Variants in HHIPL1 observed in about 807,000 individuals in gnomAD.
HHIPL1 encodes the protein HHIP-like protein 1.
Under a neutral mutation model 61.8 loss-of-function variants are expected in HHIPL1, and 43 were observed. The ratio of observed to expected loss-of-function variants is 0.70; its 90% confidence interval spans 0.55 to 0.90. The LOEUF is 0.90. Ranked by LOEUF, HHIPL1 falls within the 40% of genes least tolerant of loss-of-function variation. HHIPL1 has a pLI of 0.00. For synonymous variants in HHIPL1, 482 were observed against 515.8 expected (o/e 0.93, Z 0.89); for missense variants, 1,056 against 1,157.7 (o/e 0.91, Z 1.28).
chr14:99,637,027 GA>G, the HHIPL1 span, among the ~76,000 whole-genome samples: 9 of 94,304 alleles, frequency 9.5e-5, no homozygotes, highest in East Asian at 2.9e-4. Context: ...AAGAAAGAAA[GA>G]AAGAAAGAAA....
At chr14:99,616,506 G>A in the HHIPL1 span, among the ~76,000 whole-genome samples, 1,126 of 152,306 alleles carry the variant, frequency 7.4e-3, 8 homozygotes, top group South Asian at 0.03. Context: ...GTAAGAGAAA[G>A]GCAAGCGAGA....
In HHIPL1 at chr14:99,663,005, C is replaced by T. The variant is rs771660425; in HGVS notation, c.1632C>T (p.Phe544=). Residue 544 remains phenylalanine (F), a synonymous_variant, in exon 6 of 9, where the codon TTC becomes TTT. Transcript: ENST00000330710. ...ACTACTACCCGTACATCATCTCCTT[C>T]GGGGAGGACGAGGCCGGTGAGCACT... ...INNYYPYIIS[F]GEDEAGELYF... is the part of the protein sequence containing the mutation. The T allele has an allele frequency of 2.7e-5, 44 of 1,609,488 alleles. No homozygotes were observed. Among genetic ancestry groups the T allele is most frequent in the Admixed American group, 6.7e-5 (4 of 59,328 alleles).
At chr14:99,625,281 G>A in the HHIPL1 span, 1 of 152,278 alleles carries the variant, frequency 6.6e-6, no homozygotes, top group Non-Finnish European at 1.5e-5. Flanking sequence ...AGGAAGCTAA[G>A]GTGTAGGGGG....
chr14:99,631,764 G>A, the HHIPL1 span, among the ~76,000 whole-genome samples: 1 of 152,122 alleles, frequency 6.6e-6, no homozygotes, highest in African/African-American at 2.4e-5. Flanking sequence ...TTACATGTGT[G>A]CGCCACCATG....
At chr14:99,623,859 G>T in the HHIPL1 span, among the ~76,000 whole-genome samples, 2 of 152,200 alleles carry the variant, frequency 1.3e-5, no homozygotes, top group Non-Finnish European at 2.9e-5. Context: ...GGCCCAACAA[G>T]CTGCCGAGAA....
the HHIPL1 span, among the ~76,000 whole-genome samples, chr14:99,635,720 T>C: frequency 1.3e-5 from 2 of 152,110 alleles, no homozygotes; most frequent in Non-Finnish European, 2.9e-5. Context: ...CACAAGGCAG[T>C]CCAGGCCCTG....
chr14:99,641,965 A>T (rs1426086797), upstream of HHIPL1, among the ~76,000 whole-genome samples: 1 of 150,800 alleles, frequency 6.6e-6, no homozygotes, highest in Non-Finnish European at 1.5e-5. Context: ...TTTGAGACAG[A>T]GTCTCGCTCT....
chr14:99,645,913 C>T (rs2055825635), intron 1 of HHIPL1, among the ~76,000 whole-genome samples: 1 of 152,188 alleles, frequency 6.6e-6, no homozygotes, highest in Non-Finnish European at 1.5e-5. Context: ...CTGGCGTGGG[C>T]GTGGTCAACG....
the HHIPL1 span, among the ~76,000 whole-genome samples, chr14:99,628,431 A>C: frequency 8.7e-3 from 1,319 of 152,184 alleles, 22 homozygotes; most frequent in African/African-American, 0.031. Flanking sequence ...AATACAAAAA[A>C]TTAGCCAGGC....
chr14:99,654,660 C>T (rs1006867718), intron 2 of HHIPL1, among the ~76,000 whole-genome samples: 1 of 152,030 alleles, frequency 6.6e-6, no homozygotes, highest in South Asian at 2.1e-4. Context: ...ATCTTGACAC[C>T]GAATGTATAA....
In HHIPL1 at chr14:99,659,634, G is replaced by A. The variant is rs1434013102; in HGVS notation, c.1253G>A (p.Gly418Asp). 2 of 1,553,072 alleles carry A rather than the reference G, an allele frequency of 1.3e-6. No individual in the cohort carries two copies. Among genetic ancestry groups the A allele is most frequent in the Admixed American group, 1.9e-5 (1 of 53,038 alleles). The change falls in exon 4 of 9, where the codon GGC becomes GAC. Residue 418 changes from glycine to aspartate, a missense_variant. Transcript: ENST00000330710. ...SGTGRGRLFC[G>D]DVGQNKFEEV... ...ACTGGCCGCGGGCGCCTCTTCTGCGGCGACGTGGGCCAGAACAAGTTCGAG... is the reference window on the plus strand; with the variant it reads ...ACTGGCCGCGGGCGCCTCTTCTGCGACGACGTGGGCCAGAACAAGTTCGAG...
chr14:99,665,906 C>G (rs536920738), intron 6 of HHIPL1, among the ~76,000 whole-genome samples: 26 of 152,154 alleles, frequency 1.7e-4, no homozygotes, highest in African/African-American at 6.0e-4. Context: ...CTCAGCCTCC[C>G]GAGTAGCTAG....
Position 99,659,757 on chromosome 14 carries a change from GT to G in HHIPL1, c.1375+2del. The G allele has an allele frequency of 7.1e-7, 1 of 1,414,422 alleles. No individual in the cohort carries two copies. Among genetic ancestry groups the G allele is most frequent in the East Asian group, 2.8e-5 (1 of 35,886 alleles). The allele number at this position is 1,414,422 out of a possible 1,614,324, so 87.6% of individuals were successfully genotyped here. A position where few individuals can be genotyped will look rare whatever the true frequency, so the allele number is the denominator to read the frequency against. On this transcript the variant is annotated splice_donor_variant, in intron 4 of 8. Transcript: ENST00000330710. LOFTEE classifies it high-confidence loss of function. ...AGCCTGTGCGCCAACACCTCTCTCA[GT>G]GAGTGCCCGCGCCCCGGGGACCCCG...
Position 99,652,399 on chromosome 14 carries a change from G to A in HHIPL1, c.431G>A (p.Arg144Lys), listed in dbSNP as rs1032520240. 1.9e-6 allele frequency: 3 copies of A among 1,614,118 alleles called. No individual in the cohort carries two copies. In the African/African-American group the frequency reaches 4.0e-5, roughly 22 times the overall value. Reference protein sequence around the residue: ...ELWALEGNLARFCRYLSLDDT... With the variant: ...ELWALEGNLAKFCRYLSLDDT... ...TGGGCGCTGGAGGGCAACCTTGCCA[G>A]GTTCTGCCGCTACCTGTCCCTGGAT... Residue 144 changes from arginine (R) to lysine (K), a missense_variant, in exon 2 of 9, where the codon AGG becomes AAG. Transcript: ENST00000330710.
In HHIPL1 at chr14:99,649,471, CTTT is replaced by C. The variant is rs573142149; in HGVS notation, c.256-2752_256-2750del. On this transcript the variant is annotated intron_variant, in intron 1 of 8. Transcript: ENST00000330710. ...TGGCTACTTCTTGGCACGTGGCCTTCTTTAAGTCTCAGTTCCTCATCTATAAAA... is the reference window on the plus strand; with the variant it reads ...TGGCTACTTCTTGGCACGTGGCCTTCAAGTCTCAGTTCCTCATCTATAAAA... Among the ~76,000 whole-genome samples, 5 of 152,306 alleles carry C rather than the reference CTTT, an allele frequency of 3.3e-5. No homozygotes were observed. The South Asian group carries it at 6.2e-4, about 19-fold the overall frequency.
At chr14:99,673,033 G>A (rs1336874541) in intron 8 of HHIPL1, among the ~76,000 whole-genome samples, 4 of 152,222 alleles carry the variant, frequency 2.6e-5, no homozygotes, top group African/African-American at 7.2e-5. Context: ...CAGCCTGTTA[G>A]GTACAACCTC....
chr14:99,613,221 C>T, the HHIPL1 span, among the ~76,000 whole-genome samples: 1 of 151,758 alleles, frequency 6.6e-6, no homozygotes, highest in Non-Finnish European at 1.5e-5. Flanking sequence ...AACAACGAGA[C>T]CAGGAGGCCC....
Position 99,645,269 on chromosome 14 carries a change from C to T in HHIPL1, c.62C>T (p.Pro21Leu), listed in dbSNP as rs1459716234. The T allele has an allele frequency of 7.0e-7, 1 of 1,420,070 alleles. No homozygotes were observed. The highest frequency in any genetic ancestry group is 9.2e-7 in the Non-Finnish European group (1 of 1,090,002). The allele number at this position is 1,420,070 out of a possible 1,614,324, so 88.0% of individuals were successfully genotyped here. ...TGGGTGCTCGGGGCCGCCGCGCATC[C>T]GCAGTGCCTGGACTTCAGGCCGCCC... ...ALWVLGAAAH[P>L]QCLDFRPPFR... Residue 21 changes from proline to leucine, a missense_variant, in exon 1 of 9, where the codon CCG becomes CTG. Physicochemically the swap from Pro to Leu is moderately conservative, Grantham distance 98. Transcript: ENST00000330710.
At chr14:99,672,995 C>T (rs985148357) in intron 8 of HHIPL1, among the ~76,000 whole-genome samples, 13 of 152,230 alleles carry the variant, frequency 8.5e-5, no homozygotes, top group African/African-American at 2.2e-4. Context: ...ATACAGCACA[C>T]GGCGAGACAC....
Sources: gnomAD v4.1 joint callset for allele counts (sites outside exome capture counted in the v4.1 genomes callset) on GRCh38, gnomAD v4.1.1 for gene constraint, MANE v1.5 for transcripts, NCBI Gene and HGNC (gene_info 2026-07-23, HGNC 2026-07-21) for gene names.